SLC2A9: variants seen among roughly 807,000 people sequenced by gnomAD.
SLC2A9 encodes the protein solute carrier family 2 member 9.
In SLC2A9, 39 loss-of-function variants were observed where a neutral mutation model predicts 50.6. The ratio of observed to expected loss-of-function variants is 0.77; its 90% CI spans 0.60 to 1.01. The LOEUF is 1.01. Among genes scored for constraint, SLC2A9 ranks in the 50% least tolerant of loss-of-function variants. The probability of loss-of-function intolerance (pLI) is 0.00; values close to 1 mark genes in which losing one functional copy is unlikely to be tolerated. For synonymous variants in SLC2A9, 324 were observed against 276.9 expected (o/e 1.17, Z -1.69); for missense variants, 686 against 677.6 (o/e 1.01, Z -0.14).
rs373219891 is a variant in SLC2A9, at chr4:9,851,071, C to T, written c.1292-16063G>A. Among the ~76,000 whole-genome samples, 10 of 152,280 alleles carry T rather than the reference C, an allele frequency of 6.6e-5. No homozygotes were observed. In the East Asian group the frequency reaches 1.7e-3, roughly 27 times the overall value. ...CACCCAACTCCTGCTGGTGCCCCAC[C>T]CCAGGCAATGCACGTGCACCCCACT... On this transcript the variant is annotated intron_variant, in intron 10 of 11. Transcript: ENST00000264784.
At chr4:9,980,130 G>A (rs138073909) in intron 5 of SLC2A9, among the ~76,000 whole-genome samples, 2,166 of 152,176 alleles carry the variant, frequency 0.014, 24 homozygotes, top group Middle Eastern at 0.054. Flanking sequence ...AGCCAAAACC[G>A]GAAGACTCTA....
At chr4:9,843,108 G>A (rs6449052) in intron 10 of SLC2A9, among the ~76,000 whole-genome samples, 25,551 of 151,994 alleles carry the variant, frequency 0.17, 3,085 homozygotes, top group African/African-American at 0.34. Flanking sequence ...ACTTTGAGCA[G>A]TGCTTTTGGC....
At chr4:9,779,387 C>A (rs1414207565), downstream of SLC2A9, among the ~76,000 whole-genome samples, 2 of 151,636 alleles carry the variant, frequency 1.3e-5, no homozygotes, top group Admixed American at 6.6e-5. Flanking sequence ...TTGGATTATT[C>A]CTGGGTTAAA....
chr4:9,928,041 C>G (rs1041764342), intron 6 of SLC2A9, among the ~76,000 whole-genome samples: 1 of 152,170 alleles, frequency 6.6e-6, no homozygotes, highest in African/African-American at 2.4e-5. Context: ...TTTTGGGAGG[C>G]TGAGGTGGGA....
At chr4:10,006,526 C>T (rs1240949271) in intron 2 of SLC2A9, 1 of 152,214 alleles carries the variant, frequency 6.6e-6, no homozygotes, top group Non-Finnish European at 1.5e-5. Flanking sequence ...AAAAAGTACC[C>T]ATTGTTGAAC....
chr4:9,782,440 C>T (rs1560111557), intron 3 of SLC2A9: 1 of 1,614,022 alleles, frequency 6.2e-7, no homozygotes, highest in Non-Finnish European at 8.5e-7. Flanking sequence ...TCAGCGTGGA[C>T]CGCTACTGGG....
At chr4:9,978,026 G>A (rs921887135) in intron 5 of SLC2A9, among the ~76,000 whole-genome samples, 3 of 152,230 alleles carry the variant, frequency 2.0e-5, no homozygotes, top group Non-Finnish European at 2.9e-5. Context: ...ATCAGTGTGG[G>A]AGAGGCACAG....
chr4:9,998,064 T>C (rs1759044901), intron 2 of SLC2A9, among the ~76,000 whole-genome samples: 1 of 152,198 alleles, frequency 6.6e-6, no homozygotes, highest in Admixed American at 6.5e-5. Context: ...AACAGAGAAA[T>C]GAGACCACAA....
chr4:10,028,591 C>T lies in SLC2A9; in HGVS notation c.-40-2585G>A, dbSNP rs567324173. Among the ~76,000 whole-genome samples the T allele has an allele frequency of 1.1e-4, 17 of 152,290 alleles. No homozygotes were observed. The East Asian group carries it at 3.3e-3, about 29-fold the overall frequency. ...TAATGCATGGACATCATACACAGCA[C>T]CTAGCAGAGACTTGTAAATTGTAGA... is the stretch of plus-strand genomic sequence containing the variant. On this transcript the variant is annotated intron_variant, in intron 1 of 12. Coordinates refer to the SLC2A9 transcript ENST00000309065.
At chr4:9,963,637 C>G (rs540636511) in intron 5 of SLC2A9, among the ~76,000 whole-genome samples, 1 of 152,136 alleles carries the variant, frequency 6.6e-6, no homozygotes, top group Non-Finnish European at 1.5e-5. Context: ...GAGGGCCTCT[C>G]AAGAGGCCCC....
At chr4:10,018,695 AC>A (rs978955671) in intron 2 of SLC2A9, among the ~76,000 whole-genome samples, 21 of 94,296 alleles carry the variant, frequency 2.2e-4, no homozygotes, top group African/African-American at 7.6e-4. Context: ...CCCCCACCCC[AC>A]CCCGGGACTT....
chr4:9,813,066 A>T (rs1366052518), intron 3 of SLC2A9, among the ~76,000 whole-genome samples: 1 of 152,202 alleles, frequency 6.6e-6, no homozygotes, highest in Non-Finnish European at 1.5e-5. Flanking sequence ...CAAAATGAGA[A>T]GGCTGATTAT....
intron 9 of SLC2A9, among the ~76,000 whole-genome samples, chr4:9,890,273 G>A (rs527349495): frequency 6.6e-6 from 1 of 152,328 alleles, no homozygotes; most frequent in South Asian, 2.1e-4. Flanking sequence ...CAGCTGGAAG[G>A]AGCACCTTAA....
chr4:9,887,545 T>A (rs1483876623), intron 10 of SLC2A9, 22 bp downstream of exon 10: 18 of 1,543,484 alleles, frequency 1.2e-5, no homozygotes, highest in Non-Finnish European at 1.6e-5. Context: ...GGCGGGGCAG[T>A]GGGGAGGGTG....
downstream of SLC2A9, among the ~76,000 whole-genome samples, chr4:9,797,112 C>A (rs1293384909): frequency 6.6e-6 from 1 of 152,134 alleles, no homozygotes; most frequent in East Asian, 1.9e-4. Context: ...TTCCAAGAAC[C>A]AGGGATTCTA....
At chr4:9,880,800 AG>A (rs914693697) in intron 10 of SLC2A9, among the ~76,000 whole-genome samples, 4 of 152,214 alleles carry the variant, frequency 2.6e-5, no homozygotes, top group Non-Finnish European at 5.9e-5. Context: ...CACTTATCAT[AG>A]TGGCAATGCC....
chr4:9,930,390 T>C (rs1293881645), intron 6 of SLC2A9, among the ~76,000 whole-genome samples: 1 of 152,226 alleles, frequency 6.6e-6, no homozygotes, highest in Non-Finnish European at 1.5e-5. Context: ...AAGTCCTCTC[T>C]GTGCTTCCAA....
intron 6 of SLC2A9, among the ~76,000 whole-genome samples, chr4:9,931,960 CTCTATATATATATATA>C (rs1434939699): frequency 8.9e-5 from 2 of 22,350 alleles, no homozygotes; most frequent in East Asian, 3.0e-3. Flanking sequence ...CTCTCTCTCT[CTCTATATATATATATA>C]TATATATATA....
At chr4:9,990,187 T>C (rs958197683) in intron 3 of SLC2A9, among the ~76,000 whole-genome samples, 3 of 152,082 alleles carry the variant, frequency 2.0e-5, no homozygotes, top group Non-Finnish European at 2.9e-5. Context: ...TCAACAGATA[T>C]GTGGTGAGTA....
Sources: allele counts gnomAD v4.1 joint callset (sites outside exome capture counted in the v4.1 genomes callset), GRCh38; gene constraint gnomAD v4.1.1; transcripts MANE v1.5; gene names NCBI Gene and HGNC (gene_info 2026-07-23, HGNC 2026-07-21).